TRPM3: variants seen among roughly 807,000 people sequenced by gnomAD.
TRPM3 encodes long transient receptor potential channel 3.
A neutral mutation model predicts 181.2 loss-of-function variants in TRPM3; 77 were observed. The ratio of observed to expected loss-of-function variants is 0.42; its 90% CI spans 0.35 to 0.51. The LOEUF is 0.51. Ranked by LOEUF, TRPM3 falls within the 20% of genes least tolerant of loss-of-function variation. TRPM3 has a pLI of 0.01. For missense variants in TRPM3, 1,759 were observed against 2,196.7 expected (o/e 0.80, Z 3.98); for synonymous variants, 745 against 796.4 (o/e 0.94, Z 1.09).
intron 1 of TRPM3, among the ~76,000 whole-genome samples, chr9:70,962,952 C>A (rs1178032364): frequency 1.3e-5 from 2 of 152,094 alleles, no homozygotes; most frequent in African/African-American, 4.8e-5. Context: ...CTCTGAAAAT[C>A]TTTTTGGGTC....
At chr9:71,304,392 T>C (rs2132349789) in intron 1 of TRPM3, among the ~76,000 whole-genome samples, 1 of 152,266 alleles carries the variant, frequency 6.6e-6, no homozygotes, top group Admixed American at 6.5e-5. Context: ...CCAAAACCCT[T>C]TGTGTTAGTG....
At chr9:71,153,404 C>A (rs566619140) in intron 1 of TRPM3, among the ~76,000 whole-genome samples, 1 of 151,520 alleles carries the variant, frequency 6.6e-6, no homozygotes, top group Middle Eastern at 3.4e-3. Flanking sequence ...AGTTCTTCTG[C>A]CTCAGCCTCC....
At chr9:71,220,578 G>GA (rs1355382061) in intron 1 of TRPM3, among the ~76,000 whole-genome samples, 5 of 150,380 alleles carry the variant, frequency 3.3e-5, no homozygotes, top group Non-Finnish European at 5.9e-5. Context: ...GTACAACTTA[G>GA]AAAAAAAAAG....
intron 1 of TRPM3, among the ~76,000 whole-genome samples, chr9:71,381,710 A>C (rs1050174866): frequency 6.6e-6 from 1 of 152,170 alleles, no homozygotes; most frequent in Non-Finnish European, 1.5e-5. Context: ...TTAAATGTAA[A>C]TGAAGATTGG....
intron 1 of TRPM3, among the ~76,000 whole-genome samples, chr9:71,354,496 C>T (rs369990522): frequency 1.2e-4 from 18 of 152,282 alleles, no homozygotes; most frequent in African/African-American, 4.1e-4. Flanking sequence ...CTTATTTATC[C>T]AATTACAACT....
chr9:70,586,066 A>G (rs2057076529), intron 22 of TRPM3, among the ~76,000 whole-genome samples: 1 of 152,152 alleles, frequency 6.6e-6, no homozygotes, highest in Non-Finnish European at 1.5e-5. Context: ...CTGAAACATC[A>G]GCTCATATCG....
chr9:70,863,623 G>A (rs945101285), intron 2 of TRPM3, among the ~76,000 whole-genome samples: 3 of 152,118 alleles, frequency 2.0e-5, no homozygotes, highest in Non-Finnish European at 4.4e-5. Flanking sequence ...AAATCTGCAG[G>A]CTTAAGTGTT....
At chr9:70,903,717 C>T (rs1375300381) in intron 1 of TRPM3, among the ~76,000 whole-genome samples, 1 of 152,000 alleles carries the variant, frequency 6.6e-6, no homozygotes, top group Non-Finnish European at 1.5e-5. Flanking sequence ...TAGCTAGAGC[C>T]AGTAGACAAT....
Position 70,536,897 on chromosome 9 carries a change from T to C in TRPM3, c.4216A>G (p.Arg1406Gly). The C allele has an allele frequency of 6.2e-7, 1 of 1,614,212 alleles. No homozygotes were observed. The highest frequency in any genetic ancestry group is 8.5e-7 in the Non-Finnish European group (1 of 1,180,054). The change falls in exon 26 of 26, where the codon AGA becomes GGA. Residue 1406 changes from arginine (R) to glycine (G), a missense_variant. Transcript: ENST00000677713. ...ANTLAIVPDS[R>G]RPSSCIDIYV... Reference sequence around the variant, plus strand: ...ATGTCTATACACGATGATGGTCTTCTGGAATCAGGAACAATGGCCAAGGTG... The same window carrying C: ...ATGTCTATACACGATGATGGTCTTCCGGAATCAGGAACAATGGCCAAGGTG...
At chr9:71,428,589 GTGACTGTTTA>G (rs1045345848) in intron 1 of TRPM3, among the ~76,000 whole-genome samples, 14 of 152,238 alleles carry the variant, frequency 9.2e-5, no homozygotes, top group East Asian at 5.8e-4. Flanking sequence ...GTGTGTATGT[GTGACTGTTTA>G]TATCATTGAT....
intron 15 of TRPM3, among the ~76,000 whole-genome samples, chr9:70,620,924 A>C (rs994453392): frequency 6.6e-6 from 1 of 151,174 alleles, no homozygotes; most frequent in Non-Finnish European, 1.5e-5. Flanking sequence ...TTAGTATTTC[A>C]AATAGGATTT....
At chr9:70,562,123 A>G (rs1463856812) in intron 22 of TRPM3, among the ~76,000 whole-genome samples, 1 of 152,208 alleles carries the variant, frequency 6.6e-6, no homozygotes, top group African/African-American at 2.4e-5. Flanking sequence ...TAAGTTTCTA[A>G]AAAATGAGCC....
chr9:70,810,989 T>C (rs2091918601), intron 6 of TRPM3, among the ~76,000 whole-genome samples: 1 of 152,158 alleles, frequency 6.6e-6, no homozygotes, highest in Non-Finnish European at 1.5e-5. Context: ...ATGGTATCTT[T>C]AGGATGATAA....
intron 22 of TRPM3, among the ~76,000 whole-genome samples, chr9:70,555,743 G>A (rs944766959): frequency 7.9e-5 from 12 of 152,102 alleles, no homozygotes; most frequent in Admixed American, 4.6e-4. Flanking sequence ...TCTCCTCTGC[G>A]AAGCTTCTCG....
intron 7 of TRPM3, among the ~76,000 whole-genome samples, chr9:70,782,778 T>TTAA (rs1360290616): frequency 3.5e-4 from 53 of 151,882 alleles, no homozygotes; most frequent in African/African-American, 1.2e-3. Context: ...AAAATTATTA[T>TTAA]TATTATTATT....
At chr9:71,354,367 T>C (rs1016904832) in intron 1 of TRPM3, among the ~76,000 whole-genome samples, 10 of 152,076 alleles carry the variant, frequency 6.6e-5, no homozygotes, top group African/African-American at 2.4e-4. Context: ...ACTCCCCGCA[T>C]CCCATCCACC....
chr9:70,958,553 G>A (rs1016487700), intron 1 of TRPM3, among the ~76,000 whole-genome samples: 1 of 151,956 alleles, frequency 6.6e-6, no homozygotes, highest in African/African-American at 2.4e-5. Flanking sequence ...ATTTTTTCAT[G>A]TGTCTTTTGG....
chr9:70,768,552 C>G (rs1210970135), intron 7 of TRPM3, among the ~76,000 whole-genome samples: 1 of 151,900 alleles, frequency 6.6e-6, no homozygotes, highest in Non-Finnish European at 1.5e-5. Context: ...GATAAAGCAA[C>G]AGCAGCACCT....
At chr9:71,186,125 C>A (rs980782422) in intron 1 of TRPM3, among the ~76,000 whole-genome samples, 3 of 152,006 alleles carry the variant, frequency 2.0e-5, no homozygotes, top group African/African-American at 7.2e-5. Flanking sequence ...TGCCTCTCAA[C>A]CTTCACAGGA....
Sources: allele counts gnomAD v4.1 joint callset (sites outside exome capture counted in the v4.1 genomes callset), GRCh38; gene constraint gnomAD v4.1.1; transcripts MANE v1.5; gene names NCBI Gene and HGNC (gene_info 2026-07-23, HGNC 2026-07-21).